GABBR2: variants seen among roughly 807,000 people sequenced by gnomAD.
The protein encoded by GABBR2 is G-protein coupled receptor 51.
Under a neutral mutation model 105.6 loss-of-function variants are expected in GABBR2, and 23 were observed. The ratio of observed to expected loss-of-function variants is 0.22; its 90% CI spans 0.16 to 0.31. The LOEUF (loss-of-function observed/expected upper bound fraction) is 0.31, where lower values mean the gene tolerates loss of function less well. Among genes scored for constraint, GABBR2 ranks in the 10% least tolerant of loss-of-function variants. GABBR2 has a pLI of 1.00. For missense variants in GABBR2, 734 were observed against 1,245.5 expected, an observed-to-expected ratio of 0.59 and a Z score of 6.18; for synonymous variants, 478 against 499.7, an observed-to-expected ratio of 0.96 and a Z score of 0.58.
At chr9:98,472,565 A>G (rs1826707362) in intron 6 of GABBR2, among the ~76,000 whole-genome samples, 3 of 152,322 alleles carry the variant, frequency 2.0e-5, no homozygotes, top group Middle Eastern at 3.4e-3. Flanking sequence ...GAGATATAGA[A>G]GATATATCTA....
chr9:98,648,116 T>TAGATAGATAG (rs1554723459), intron 1 of GABBR2, among the ~76,000 whole-genome samples: 969 of 55,930 alleles, frequency 0.017, 11 homozygotes, highest in South Asian at 0.038. Flanking sequence ...TGTGTGTGTG[T>TAGATAGATAG]ATAGATAGAT....
intron 1 of GABBR2, among the ~76,000 whole-genome samples, chr9:98,705,834 T>C (rs916490294): frequency 4.6e-5 from 7 of 151,990 alleles, no homozygotes; most frequent in Admixed American, 1.3e-4. Flanking sequence ...CCCAGCACTT[T>C]GGGAGGCAGA....
At chr9:98,294,096 G>C (rs903504017) in intron 17 of GABBR2, among the ~76,000 whole-genome samples, 194 bp from the exon 18 acceptor site, 1 of 152,220 alleles carries the variant, frequency 6.6e-6, no homozygotes, top group Non-Finnish European at 1.5e-5. Context: ...GCCTCCAGCA[G>C]TCAGGGATGG....
chr9:98,693,504 C>A (rs1830711340), intron 1 of GABBR2, among the ~76,000 whole-genome samples: 1 of 152,228 alleles, frequency 6.6e-6, no homozygotes, highest in South Asian at 2.1e-4. Context: ...GCAGGCCCCA[C>A]TACATCCTAA....
chr9:98,577,854 T>A, intron 2 of GABBR2, 81 bp downstream of exon 2: 1 of 1,373,832 alleles, frequency 7.3e-7, no homozygotes, highest in African/African-American at 1.5e-5. Flanking sequence ...AGAAACCACA[T>A]TGTACAAGGA....
intron 13 of GABBR2, among the ~76,000 whole-genome samples, chr9:98,320,908 G>C (rs904546971): frequency 6.6e-6 from 1 of 151,498 alleles, no homozygotes; most frequent in South Asian, 2.1e-4. Context: ...CAGCACACCA[G>C]CATGGCACAT....
intron 1 of GABBR2, among the ~76,000 whole-genome samples, chr9:98,588,115 C>T (rs1038675045): frequency 5.3e-5 from 8 of 152,292 alleles, no homozygotes; most frequent in African/African-American, 1.9e-4. Context: ...GCTTTCCACA[C>T]CCAGGGTGCT....
At position 98,571,357 on chromosome 9, in the gene GABBR2, C is replaced by T. The variant is rs1049539656; in HGVS notation, c.459+6578G>A. 9.2e-5 allele frequency among the ~76,000 whole-genome samples: 14 copies of T among 152,292 alleles called. 1 individual carries two copies. The East Asian group carries it at 1.4e-3, about 15-fold the overall frequency. ...GGCAGCATCCCCCTGTGACCGCCTC[C>T]ATGTCCTCTTTCCCACACGGGCAGC... On this transcript the variant is annotated intron_variant, in intron 2 of 18. Coordinates refer to ENST00000259455, the MANE Select transcript of GABBR2 (RefSeq NM_005458.8).
intron 1 of GABBR2, among the ~76,000 whole-genome samples, chr9:98,632,250 C>T (rs1423398385): frequency 6.6e-6 from 1 of 152,210 alleles, no homozygotes. Context: ...TCCTTAACCT[C>T]TCTAAGCCTC....
chr9:98,697,106 C>T (rs1199443486), intron 1 of GABBR2, among the ~76,000 whole-genome samples: 9 of 152,182 alleles, frequency 5.9e-5, no homozygotes, highest in African/African-American at 1.7e-4. Context: ...TCAGACCATC[C>T]AGACTTCAAA....
chr9:98,410,516 T>G (rs549983077), intron 7 of GABBR2, among the ~76,000 whole-genome samples: 5 of 150,436 alleles, frequency 3.3e-5, no homozygotes, highest in African/African-American at 9.8e-5. Context: ...TTTTTTTTTT[T>G]TTTTTTTTCT....
intron 13 of GABBR2, among the ~76,000 whole-genome samples, chr9:98,312,008 A>G (rs1830644366): frequency 6.6e-6 from 1 of 152,194 alleles, no homozygotes; most frequent in African/African-American, 2.4e-5. Context: ...TTTTTTCTGA[A>G]CCATTTGAGA....
chr9:98,384,935 G>C (rs1198608867), intron 11 of GABBR2, among the ~76,000 whole-genome samples: 1 of 152,046 alleles, frequency 6.6e-6, no homozygotes, highest in African/African-American at 2.4e-5. Context: ...GGAACAATAA[G>C]GAAAAAACCG....
At chr9:98,436,375 A>AC (rs1325895217) in intron 7 of GABBR2, among the ~76,000 whole-genome samples, 2 of 45,822 alleles carry the variant, frequency 4.4e-5, no homozygotes, top group African/African-American at 1.3e-4. Context: ...ATATATATAT[A>AC]TATATATATA....
chr9:98,310,657 C>T (rs1830621894), intron 14 of GABBR2, among the ~76,000 whole-genome samples: 1 of 152,210 alleles, frequency 6.6e-6, no homozygotes, highest in South Asian at 2.1e-4. Flanking sequence ...GGCTTACCCT[C>T]CTCATCTATT....
rs532916230 is a variant in GABBR2, at chr9:98,584,604, A to T, written c.322-6532T>A. 3.3e-5 allele frequency among the ~76,000 whole-genome samples: 5 copies of T among 152,354 alleles called. No individual in the cohort carries two copies. In the South Asian group the frequency reaches 1.0e-3, roughly 32 times the overall value. ...ATGAAAAAGTGAGGCTCCAGATGAA[A>T]TCCATTTTCATTTAAATCTCATTTT... is the stretch of plus-strand genomic sequence containing the variant. On this transcript the variant is annotated intron_variant, in intron 1 of 18. Transcript: ENST00000259455.
At chr9:98,640,693 AGAG>A (rs541025654) in intron 1 of GABBR2, among the ~76,000 whole-genome samples, 1 of 152,204 alleles carries the variant, frequency 6.6e-6, no homozygotes, top group Admixed American at 6.5e-5. Context: ...AACCCCCTGG[AGAG>A]GAGGAGGAGG....
intron 3 of GABBR2, among the ~76,000 whole-genome samples, chr9:98,500,660 C>T (rs1015796476): frequency 3.9e-5 from 6 of 152,160 alleles, no homozygotes; most frequent in African/African-American, 1.4e-4. Flanking sequence ...GGTCAGAGCC[C>T]CTGGAATAAA....
chr9:98,614,103 A>G (rs976788027), intron 1 of GABBR2, among the ~76,000 whole-genome samples: 30 of 152,382 alleles, frequency 2.0e-4, no homozygotes, highest in African/African-American at 6.7e-4. Context: ...GATATATGCT[A>G]AAGTGTTAAG....
Sources: allele counts gnomAD v4.1 joint callset (sites outside exome capture counted in the v4.1 genomes callset), GRCh38; gene constraint gnomAD v4.1.1; transcripts MANE v1.5; gene names NCBI Gene and HGNC (gene_info 2026-07-23, HGNC 2026-07-21).